UTRN: variants seen among roughly 807,000 people sequenced by gnomAD.
UTRN encodes the protein dystrophin-related protein 1.
In UTRN, 283 loss-of-function variants were observed where a neutral mutation model predicts 463.9. The observed-to-expected ratio is 0.61, with a 90% confidence interval of 0.55 to 0.67. The LOEUF is 0.67. Ranked by LOEUF, UTRN falls within the 30% of genes least tolerant of loss-of-function variation. The pLI is 0.00. For synonymous variants in UTRN, 1,442 were observed against 1,431.5 expected, an observed-to-expected ratio of 1.01 and a Z score of -0.17; for missense variants, 3,922 against 4,084.3, an observed-to-expected ratio of 0.96 and a Z score of 1.08.
chr6:144,324,651 C>T (rs1775865505), intron 2 of UTRN, among the ~76,000 whole-genome samples: 1 of 152,180 alleles, frequency 6.6e-6, no homozygotes, highest in South Asian at 2.1e-4. Context: ...TAGGAGTCTT[C>T]CTGTGTATAA....
At chr6:144,838,079 G>A (rs1403419490) in intron 71 of UTRN, among the ~76,000 whole-genome samples, 2 of 152,222 alleles carry the variant, frequency 1.3e-5, no homozygotes, top group African/African-American at 4.8e-5. Flanking sequence ...TGAAGTGTTA[G>A]TGTTAACAAC....
intron 51 of UTRN, among the ~76,000 whole-genome samples, chr6:144,670,553 G>T (rs1398407777): frequency 6.6e-6 from 1 of 151,898 alleles, no homozygotes; most frequent in Admixed American, 6.6e-5. Context: ...CATAGTTTGT[G>T]AATATTTTTC....
At chr6:144,344,216 C>A in intron 2 of UTRN, 1 of 1,303,934 alleles carries the variant, frequency 7.7e-7, no homozygotes, top group Non-Finnish European at 1.0e-6. Flanking sequence ...AGGTGATGAG[C>A]GGCCTGGCAG....
chr6:144,328,467 A>T (rs973008160), intron 2 of UTRN, among the ~76,000 whole-genome samples: 3 of 152,098 alleles, frequency 2.0e-5, no homozygotes, highest in Non-Finnish European at 4.4e-5. Context: ...TAACTCTTAA[A>T]CTTGTTAATG....
chr6:144,788,485 T>C (rs745923146), intron 61 of UTRN, among the ~76,000 whole-genome samples: 1 of 151,438 alleles, frequency 6.6e-6, no homozygotes, highest in Non-Finnish European at 1.5e-5. Flanking sequence ...TATGAAGTCA[T>C]ATATATATAT....
intron 65 of UTRN, among the ~76,000 whole-genome samples, chr6:144,814,053 A>G (rs1778864184): frequency 6.6e-6 from 1 of 152,200 alleles, no homozygotes; most frequent in Admixed American, 6.5e-5. Flanking sequence ...AGGACCAGGA[A>G]GTCTCAAACT....
intron 35 of UTRN, among the ~76,000 whole-genome samples, chr6:144,512,794 G>A (rs1027345626): frequency 6.6e-6 from 1 of 151,898 alleles, no homozygotes; most frequent in African/African-American, 2.4e-5. Flanking sequence ...TCCCATCAGG[G>A]CCTCCCAAAG....
At position 144,539,368 on chromosome 6, in the gene UTRN, A is replaced by T. The variant is rs537199955; in HGVS notation, c.6444A>T (p.Ser2148=). 7.3e-5 allele frequency: 117 copies of T among 1,613,556 alleles called. No homozygotes were observed. In the South Asian group the frequency reaches 1.2e-3, roughly 17 times the overall value. ...WLNRTELEML[S]DKSLSLPERD... ...ATAGAACTGAATTGGAGATGCTTTC[A>T]GATAAAAGTCTGAGTTTACCTGAAA... The change falls in exon 45 of 75, where the codon TCA becomes TCT. Residue 2148 remains serine (S), a synonymous_variant. Transcript: ENST00000367545.
At chr6:144,485,083 T>TA (rs1792298313) in intron 27 of UTRN, among the ~76,000 whole-genome samples, 1 of 151,464 alleles carries the variant, frequency 6.6e-6, no homozygotes, top group South Asian at 2.1e-4. Flanking sequence ...GGCTAATATT[T>TA]TTATATATAT....
At chr6:144,388,448 G>A (rs1029557356) in intron 2 of UTRN, among the ~76,000 whole-genome samples, 1 of 151,498 alleles carries the variant, frequency 6.6e-6, no homozygotes, top group Non-Finnish European at 1.5e-5. Context: ...GAGTAGCTGG[G>A]ACTACAGGTG....
At chr6:144,730,873 A>G (rs964676291) in intron 54 of UTRN, among the ~76,000 whole-genome samples, 1 of 151,322 alleles carries the variant, frequency 6.6e-6, no homozygotes, top group African/African-American at 2.4e-5. Context: ...TTCAAGGTCT[A>G]TAAGTAAGAT....
intron 34 of UTRN, among the ~76,000 whole-genome samples, chr6:144,500,532 C>G (rs551104290): frequency 6.4e-4 from 97 of 152,160 alleles, no homozygotes; most frequent in African/African-American, 2.2e-3. Context: ...ATCATCAAGG[C>G]CTTTATAGGT....
In UTRN at chr6:144,744,318, A is replaced by ATGTGTGTG. The variant is rs750924642; in HGVS notation, c.7940-3927_7940-3926insGTGTGTGT. Among the ~76,000 whole-genome samples, 15 of 135,598 alleles carry ATGTGTGTG rather than the reference A, an allele frequency of 1.1e-4. 1 individual carries two copies. The highest frequency in any genetic ancestry group is 4.4e-4 in the African/African-American group (15 of 34,034). The allele number at this position is 135,598 out of a possible 152,430, so 89.0% of individuals were successfully genotyped here. A position where few individuals can be genotyped will look rare whatever the true frequency, so the allele number is the denominator to read the frequency against. ...AAATGGTGTATACATATATATATATATATGTGTGTGTGTGTGTGTGTGTGT... is the reference window on the plus strand; with the variant it reads ...AAATGGTGTATACATATATATATATATGTGTGTGTATGTGTGTGTGTGTGTGTGTGTGT... On this transcript the variant is annotated intron_variant, in intron 54 of 74. Coordinates refer to ENST00000367545, the MANE Select transcript of UTRN (RefSeq NM_007124.3).
chr6:144,366,848 T>TA (rs1779552278), intron 2 of UTRN, among the ~76,000 whole-genome samples: 1 of 152,214 alleles, frequency 6.6e-6, no homozygotes, highest in African/African-American at 2.4e-5. Context: ...ATGGTTGGAC[T>TA]AATTTACACT....
chr6:144,557,154 C>T lies in UTRN; in HGVS notation c.7135-3C>T. 2 of 1,613,244 alleles carry T rather than the reference C, an allele frequency of 1.2e-6. No homozygotes were observed. The highest frequency in any genetic ancestry group is 1.7e-6 in the Non-Finnish European group (2 of 1,179,532). ...AACAAACAGACCTGCACTTGCACCT[C>T]AGATACTGCTTCAAGAACTGGGTCC... is the stretch of plus-strand genomic sequence containing the variant. On this transcript the variant is annotated splice_polypyrimidine_tract_variant and splice_region_variant and intron_variant, in intron 49 of 74. Transcript: ENST00000367545.
At chr6:144,422,103 AT>A in intron 4 of UTRN, 133 bp downstream of exon 4, 1 of 670,506 alleles carries the variant, frequency 1.5e-6, no homozygotes, top group Non-Finnish European at 2.3e-6. Context: ...AATTCGGAAC[AT>A]TTTTAACAAA....
At chr6:144,387,122 A>AT (rs1584550783) in intron 2 of UTRN, among the ~76,000 whole-genome samples, 1 of 151,942 alleles carries the variant, frequency 6.6e-6, no homozygotes, top group African/African-American at 2.4e-5. Flanking sequence ...TTAATCTTCT[A>AT]TTTTTTTCTT....
chr6:144,509,099 G>T (rs1404527128), intron 34 of UTRN, among the ~76,000 whole-genome samples: 3 of 151,838 alleles, frequency 2.0e-5, no homozygotes, highest in Non-Finnish European at 2.9e-5. Context: ...GATTTGAATT[G>T]CCTTGAATTC....
At chr6:144,532,733 A>G (rs978895595) in intron 42 of UTRN, among the ~76,000 whole-genome samples, 24 of 152,228 alleles carry the variant, frequency 1.6e-4, no homozygotes, top group African/African-American at 5.8e-4. Flanking sequence ...CAATGCCTTC[A>G]AGCACTTGCT....
Sources: allele counts gnomAD v4.1 joint callset (sites outside exome capture counted in the v4.1 genomes callset), GRCh38; gene constraint gnomAD v4.1.1; transcripts MANE v1.5; gene names NCBI Gene and HGNC (gene_info 2026-07-23, HGNC 2026-07-21).